Variants in DEFB119 observed in about 807,000 individuals in gnomAD.
DEFB119 encodes the protein beta-defensin 119.
DEFB119 carries 3 observed loss-of-function variants against 2.5 expected under a neutral mutation model. The ratio of observed to expected loss-of-function variants is 1.19; its 90% confidence interval spans 0.54 to 3.07. DEFB119 has a LOEUF of 3.07. Among genes scored for constraint, DEFB119 ranks in the 30% most tolerant of loss-of-function variants. The pLI, the probability that DEFB119 is intolerant of heterozygous loss-of-function variation, is 0.03. For synonymous variants in DEFB119, 29 were observed against 33.7 expected (o/e 0.86, Z 0.48); for missense variants, 113 against 101.1 (o/e 1.12, Z -0.50).
chr20:31,383,342 G>A (rs886152698), intron 1 of DEFB119, among the ~76,000 whole-genome samples: 11 of 151,784 alleles, frequency 7.2e-5, no homozygotes, highest in Non-Finnish European at 4.4e-5. Context: ...CCAGGAGTTC[G>A]AACAAGCCTG....
chr20:31,388,010 C>T lies in DEFB119; in HGVS notation c.61+2413G>A, dbSNP rs369163727. On this transcript the variant is annotated intron_variant, in intron 1 of 1. Coordinates refer to ENST00000376321, the MANE Select transcript of DEFB119 (RefSeq NM_153289.4). Reference sequence around the variant, plus strand: ...ATGCCATGAACCATGCTTTACCGAGCACTCTTGGTCCCTGGCCTCACTGCA... The same window carrying T: ...ATGCCATGAACCATGCTTTACCGAGTACTCTTGGTCCCTGGCCTCACTGCA... 7.6e-5 allele frequency: 73 copies of T among 956,648 alleles called. No homozygotes were observed. The East Asian group carries it at 1.3e-3, about 17-fold the overall frequency. The allele number at this position is 956,648 out of a possible 1,614,324, so 59.3% of individuals were successfully genotyped here. A position where few individuals can be genotyped will look rare whatever the true frequency, so the allele number is the denominator to read the frequency against.
At chr20:31,386,980 A>C (rs1986731620) in intron 1 of DEFB119, among the ~76,000 whole-genome samples, 1 of 151,510 alleles carries the variant, frequency 6.6e-6, no homozygotes. Flanking sequence ...TTCAATTTTT[A>C]TATTTAGTAG....
intron 1 of DEFB119, among the ~76,000 whole-genome samples, chr20:31,381,045 T>C (rs1986487205): frequency 6.6e-6 from 1 of 152,340 alleles, no homozygotes; most frequent in South Asian, 2.1e-4. Flanking sequence ...TCTTACAAGA[T>C]AGGAAGATGG....
intron 1 of DEFB119, among the ~76,000 whole-genome samples, chr20:31,383,719 T>C (rs1344240696): frequency 6.6e-6 from 1 of 151,818 alleles, no homozygotes; most frequent in African/African-American, 2.4e-5. Flanking sequence ...GGCAGGCGCC[T>C]GTAGTCCCAG....
intron 1 of DEFB119, chr20:31,378,206 G>A (rs1420551216): frequency 2.4e-6 from 3 of 1,231,138 alleles, no homozygotes; most frequent in Non-Finnish European, 3.5e-6. Context: ...AGGGCCTAGT[G>A]CAGAGTCAAG....
Position 31,389,294 on chromosome 20 carries a change from A to C in DEFB119, c.61+1129T>G, listed in dbSNP as rs1247065523. ...ATCCCTCAAGCGGAGAGAAAAGACA[A>C]GGCAGAGGAGGAACAGGAGGACAGG... On this transcript the variant is annotated intron_variant, in intron 1 of 1. Coordinates refer to ENST00000376321, the MANE Select transcript of DEFB119 (RefSeq NM_153289.4). The C allele has an allele frequency of 1.4e-5, 22 of 1,604,866 alleles. No homozygotes were observed. The Admixed American group carries it at 2.2e-4, about 16-fold the overall frequency.
At chr20:31,387,187 A>T (rs1986739279) in intron 1 of DEFB119, among the ~76,000 whole-genome samples, 1 of 152,172 alleles carries the variant, frequency 6.6e-6, no homozygotes, top group South Asian at 2.1e-4. Context: ...GAGGTGATGG[A>T]TATGCTAATT....
chr20:31,383,341 C>T lies in DEFB119; in HGVS notation c.62-5902G>A, dbSNP rs184471328. ...GACGGGACTCTTGAGGCCAGGAGTTCGAACAAGCCTGGCCAACATGGTGAA... is the reference window on the plus strand; with the variant it reads ...GACGGGACTCTTGAGGCCAGGAGTTTGAACAAGCCTGGCCAACATGGTGAA... On this transcript the variant is annotated intron_variant, in intron 1 of 1. Transcript: ENST00000376321. 1.6e-3 allele frequency among the ~76,000 whole-genome samples: 240 copies of T among 150,622 alleles called. 1 individual carries two copies. The highest frequency in any genetic ancestry group is 5.6e-3 in the African/African-American group (228 of 40,940).
intron 1 of DEFB119, among the ~76,000 whole-genome samples, chr20:31,380,228 T>C (rs1986456255): frequency 6.6e-6 from 1 of 152,190 alleles, no homozygotes; most frequent in Admixed American, 6.5e-5. Context: ...TCTAGAAATT[T>C]TATAGTTTTA....
intron 1 of DEFB119, among the ~76,000 whole-genome samples, chr20:31,378,051 G>A (rs868333462): frequency 2.5e-4 from 38 of 152,262 alleles, no homozygotes; most frequent in South Asian, 2.5e-3. Context: ...AGTGGGGAGC[G>A]GGGACTATTA....
intron 1 of DEFB119, among the ~76,000 whole-genome samples, chr20:31,388,650 TTCAGC>T (rs1389190697): frequency 3.2e-4 from 48 of 152,258 alleles, no homozygotes; most frequent in Non-Finnish European, 5.4e-4. Context: ...TTGGGTTATA[TTCAGC>T]CCCATCCACT....
chr20:31,389,253 T>A, intron 1 of DEFB119: 1 of 1,613,698 alleles, frequency 6.2e-7, no homozygotes, highest in African/African-American at 1.3e-5. Context: ...TGAACAACAA[T>A]TAAGCAGATG....
chr20:31,388,171 T>C, intron 1 of DEFB119: 1 of 984,212 alleles, frequency 1.0e-6, no homozygotes, highest in South Asian at 4.7e-5. Flanking sequence ...TCCCCATGAG[T>C]GAGTCTTCTC....
intron 1 of DEFB119, among the ~76,000 whole-genome samples, chr20:31,384,404 T>C (rs1986613670): frequency 6.6e-6 from 1 of 152,116 alleles, no homozygotes. Flanking sequence ...ATGTGCCCCG[T>C]AAATATATAC....
In DEFB119 at chr20:31,390,286, T is replaced by C. The variant is rs951815796; in HGVS notation, c.61+137A>G. 4 of 821,750 alleles carry C rather than the reference T, an allele frequency of 4.9e-6. No homozygotes were observed. In the African/African-American group the frequency reaches 7.0e-5, roughly 14 times the overall value. 50.9% of individuals were successfully genotyped at this position (821,750 alleles called of 1,614,324 possible). A position where few individuals can be genotyped will look rare whatever the true frequency, so the allele number is the denominator to read the frequency against. On this transcript the variant is annotated intron_variant, in intron 1 of 1. Coordinates refer to ENST00000376321, the MANE Select transcript of DEFB119 (RefSeq NM_153289.4). ...AAAAGAATCAGAGAGAGATATTAAC[T>C]TGAGATGATCCTGGGCAAACCTCCC...
At chr20:31,388,569 C>T (rs1454301930) in intron 1 of DEFB119, among the ~76,000 whole-genome samples, 2 of 152,014 alleles carry the variant, frequency 1.3e-5, no homozygotes, top group African/African-American at 4.8e-5. Context: ...ACTCAGACAC[C>T]TTCTAACCCC....
chr20:31,379,058 C>T (rs1049310618), intron 1 of DEFB119, among the ~76,000 whole-genome samples: 3 of 151,880 alleles, frequency 2.0e-5, no homozygotes, highest in Non-Finnish European at 4.4e-5. Context: ...ATGCCTCAGC[C>T]TCCCATGTAG....
chr20:31,379,152 G>A (rs1986413521), intron 1 of DEFB119, among the ~76,000 whole-genome samples: 1 of 151,880 alleles, frequency 6.6e-6, no homozygotes, highest in Non-Finnish European at 1.5e-5. Flanking sequence ...TGGCCAGGCT[G>A]GTCTCAAACT....
rs148428945 is a variant in DEFB119, at chr20:31,386,810, C to CTTTTT, written c.61+3608_61+3612dup. 1.2e-3 allele frequency among the ~76,000 whole-genome samples: 135 copies of CTTTTT among 108,892 alleles called. 1 individual carries two copies. Among genetic ancestry groups the CTTTTT allele is most frequent in the Non-Finnish European group, 1.5e-3 (86 of 56,332 alleles). The allele number at this position is 108,892 out of a possible 152,430, so 71.4% of individuals were successfully genotyped here. A position where few individuals can be genotyped will look rare whatever the true frequency, so the allele number is the denominator to read the frequency against. On this transcript the variant is annotated intron_variant, in intron 1 of 1. Coordinates refer to ENST00000376321, the MANE Select transcript of DEFB119 (RefSeq NM_153289.4). ...GTATTTTCTTTTTCTTTTTCTTTTT[C>CTTTTT]TTTTTTTTTTTTTTTTTTTTTGAGA...
Sources: gnomAD v4.1 joint callset for allele counts (sites outside exome capture counted in the v4.1 genomes callset) on GRCh38, gnomAD v4.1.1 for gene constraint, MANE v1.5 for transcripts, NCBI Gene and HGNC (gene_info 2026-07-23, HGNC 2026-07-21) for gene names.